The following GRAMD2A variants were observed in gnomAD, a reference collection of about 807,000 sequenced individuals.
The protein encoded by GRAMD2A is GRAM domain-containing protein 2A.
In GRAMD2A, 37 loss-of-function variants were observed where a neutral mutation model predicts 51.1. That is an observed-to-expected ratio of 0.72 (90% confidence interval 0.56 to 0.95). The LOEUF is 0.95. GRAMD2A is among the 40% of genes least tolerant of loss of function. GRAMD2A has a pLI of 0.00. For synonymous variants in GRAMD2A, 136 were observed against 157.1 expected, an observed-to-expected ratio of 0.87 and a Z score of 1.01; for missense variants, 414 against 426.9, an observed-to-expected ratio of 0.97 and a Z score of 0.27.
intron 1 of GRAMD2A, among the ~76,000 whole-genome samples, chr15:72,189,513 A>G (rs2081754323): frequency 6.6e-6 from 1 of 152,262 alleles, no homozygotes; most frequent in Non-Finnish European, 1.5e-5. Context: ...GTGGTATTTT[A>G]TAAAATTGAA....
intron 1 of GRAMD2A, among the ~76,000 whole-genome samples, chr15:72,184,159 G>T (rs1442365886): frequency 6.6e-6 from 1 of 152,204 alleles, no homozygotes; most frequent in Admixed American, 6.5e-5. Flanking sequence ...CTCGCCCCAC[G>T]GCCTCACTGC....
intron 1 of GRAMD2A, among the ~76,000 whole-genome samples, chr15:72,187,669 A>C (rs912201605): frequency 2.0e-5 from 3 of 151,984 alleles, no homozygotes; most frequent in African/African-American, 7.2e-5. Flanking sequence ...TGTGCCATCA[A>C]GCCTGGCTAC....
At chr15:72,187,077 C>T (rs185180326) in intron 1 of GRAMD2A, among the ~76,000 whole-genome samples, 1 of 151,754 alleles carries the variant, frequency 6.6e-6, no homozygotes, top group Admixed American at 6.6e-5. Context: ...AGGAAAATCA[C>T]TTGAACCCCA....
At chr15:72,178,471 G>C (rs1348296308) in intron 1 of GRAMD2A, among the ~76,000 whole-genome samples, 1 of 151,908 alleles carries the variant, frequency 6.6e-6, no homozygotes, top group Non-Finnish European at 1.5e-5. Flanking sequence ...TCTGTGGAGA[G>C]AGGCAGGCTT....
At chr15:72,169,319 C>T (rs763288584) in intron 2 of GRAMD2A, 1 of 474,782 alleles carries the variant, frequency 2.1e-6, no homozygotes, top group Non-Finnish European at 3.9e-6. Context: ...TGTCAAAGAC[C>T]CTGTCCCATT....
rs112248670 is a variant in GRAMD2A at position 72,167,231 on chromosome 15, T to G, written c.373-139A>C. 1.6e-4 allele frequency: 104 copies of G among 662,578 alleles called. 1 individual carries two copies. Among genetic ancestry groups the G allele is most frequent in the African/African-American group, 1.3e-3 (74 of 56,100 alleles). The allele number at this position is 662,578 out of a possible 1,614,324, so 41.0% of individuals were successfully genotyped here. A position where few individuals can be genotyped will look rare whatever the true frequency, so the allele number is the denominator to read the frequency against. On this transcript the variant is annotated intron_variant, in intron 5 of 11. Transcript: ENST00000309731. The stretch of plus-strand genomic sequence containing the variant: ...CCCCATGTGGGGAAGTCTCTGAACC[T>G]TCTACCTTTTCATCCAGGCTCCCCT...
At chr15:72,177,875 G>A (rs527617342) in intron 1 of GRAMD2A, among the ~76,000 whole-genome samples, 1 of 152,310 alleles carries the variant, frequency 6.6e-6, no homozygotes, top group South Asian at 2.1e-4. Context: ...TTACAGGCGT[G>A]TGCCAACACG....
At chr15:72,196,044 T>C (rs1016899148) in intron 1 of GRAMD2A, among the ~76,000 whole-genome samples, 13 of 152,246 alleles carry the variant, frequency 8.5e-5, no homozygotes, top group African/African-American at 3.1e-4. Context: ...AACTTCTATT[T>C]GGCCCCAGCC....
intron 5 of GRAMD2A, 44 bp downstream of exon 5, chr15:72,167,692 G>A (rs1323169273): frequency 1.4e-6 from 2 of 1,443,278 alleles, no homozygotes; most frequent in Non-Finnish European, 2.0e-6. Flanking sequence ...CAGGAGGCTG[G>A]CTCCCCTCAC....
chr15:72,187,686 C>T (rs2081743178), intron 1 of GRAMD2A, among the ~76,000 whole-genome samples: 1 of 151,946 alleles, frequency 6.6e-6, no homozygotes, highest in Non-Finnish European at 1.5e-5. Flanking sequence ...CTACTTTTTG[C>T]ATTTTTTATA....
intron 4 of GRAMD2A, 56 bp downstream of exon 4, chr15:72,168,435 G>T: frequency 1.1e-5 from 14 of 1,278,578 alleles, no homozygotes; most frequent in Non-Finnish European, 1.5e-5. Flanking sequence ...CAGAGCAGAG[G>T]CCCCTGGCCC....
At chr15:72,190,238 G>A (rs965251601) in intron 1 of GRAMD2A, among the ~76,000 whole-genome samples, 1 of 152,156 alleles carries the variant, frequency 6.6e-6, no homozygotes, top group African/African-American at 2.4e-5. Flanking sequence ...AAATAGCCGG[G>A]CGTGGTGGCA....
chr15:72,197,707 G>C (rs1302406264), intron 1 of GRAMD2A, 24 bp downstream of exon 1: 2 of 1,305,572 alleles, frequency 1.5e-6, no homozygotes, highest in East Asian at 3.3e-5. Context: ...CCCCGAGACC[G>C]GCCCCCGGGC....
intron 1 of GRAMD2A, among the ~76,000 whole-genome samples, chr15:72,186,047 T>C (rs1404885996): frequency 1.3e-5 from 2 of 152,220 alleles, no homozygotes; most frequent in African/African-American, 4.8e-5. Flanking sequence ...AAAGGATTGG[T>C]ATTCTTCATA....
Position 72,163,489 on chromosome 15 carries a change from G to A in GRAMD2A, c.746-13C>T. On this transcript the variant is annotated splice_polypyrimidine_tract_variant and intron_variant, in intron 9 of 11. Transcript: ENST00000309731. ...GCTCTTGACTTTTCTTTATGGATTGGGAGAAAAAAAAAATCAGCTCTCAGA... is the reference window on the plus strand; with the variant it reads ...GCTCTTGACTTTTCTTTATGGATTGAGAGAAAAAAAAAATCAGCTCTCAGA... 1 of 1,606,322 alleles carries A rather than the reference G, an allele frequency of 6.2e-7. No individual in the cohort carries two copies. The highest frequency in any genetic ancestry group is 8.5e-7 in the Non-Finnish European group (1 of 1,176,680).
Position 72,163,353 on chromosome 15 carries a change from T to C in GRAMD2A, c.869A>G (p.Tyr290Cys). The change falls in exon 10 of 12, where the codon TAT becomes TGT. Residue 290 changes from tyrosine to cysteine, a missense_variant. Physicochemically the swap from Tyr to Cys is radical, Grantham distance 194 (BLOSUM62 -2). Transcript: ENST00000309731. ...NCSPTAKNAV[Y>C]EEDELEEEPR... ...CTCCTCCTCCAGCTCATCCTCCTCA[T>C]AGACAGCATTCTTTGCAGTGGGAGA... 1.2e-6 allele frequency: 2 copies of C among 1,614,138 alleles called. No individual in the cohort carries two copies. The highest frequency in any genetic ancestry group is 1.7e-6 in the Non-Finnish European group (2 of 1,179,966).
chr15:72,164,207 G>A (rs777800041), intron 8 of GRAMD2A, among the ~76,000 whole-genome samples: 20 of 152,284 alleles, frequency 1.3e-4, no homozygotes, highest in Non-Finnish European at 1.9e-4. Flanking sequence ...CATATCACAT[G>A]CTTGGCTAAA....
Position 72,163,712 on chromosome 15 carries a change from A to T in GRAMD2A, c.646T>A (p.Ser216Thr). 6.2e-7 allele frequency: 1 copy of T among 1,609,874 alleles called. No homozygotes were observed. The highest frequency in any genetic ancestry group is 8.5e-7 in the Non-Finnish European group (1 of 1,178,910). The change falls in exon 9 of 12, where the codon TCC (serine) becomes ACC (threonine). Residue 216 changes from serine (S) to threonine (T), a missense_variant. Transcript: ENST00000309731. The part of the protein sequence containing the change: ...EMKWRKVCPS[S>T]RSLSLPDNIP... ...TTGTCTGGGAGAGACAGGGACCTGG[A>T]GGAAGGGCATACCTTTCTCCACTTC...
At chr15:72,189,646 T>C (rs2081754881) in intron 1 of GRAMD2A, among the ~76,000 whole-genome samples, 1 of 152,250 alleles carries the variant, frequency 6.6e-6, no homozygotes, top group Non-Finnish European at 1.5e-5. Flanking sequence ...AGAAGTCCCA[T>C]TTTAGGTTCT....
Sources: gnomAD v4.1 joint callset for allele counts (sites outside exome capture counted in the v4.1 genomes callset) on GRCh38, gnomAD v4.1.1 for gene constraint, MANE v1.5 for transcripts, NCBI Gene and HGNC (gene_info 2026-07-23, HGNC 2026-07-21) for gene names.